The following NREP variants were observed in gnomAD, a reference collection of about 807,000 sequenced individuals.
NREP encodes neuronal regeneration-related protein.
NREP carries 5 observed loss-of-function variants against 8.6 expected under a neutral mutation model. The ratio of observed to expected loss-of-function variants is 0.58; its 90% CI spans 0.30 to 1.22. NREP has a LOEUF of 1.22. NREP is among the 50% of genes most tolerant of loss of function. The pLI is 0.07. For synonymous variants in NREP, 27 were observed against 28.0 expected (o/e 0.96, Z 0.11); for missense variants, 86 against 82.5 (o/e 1.04, Z -0.17).
intron 2 of NREP, among the ~76,000 whole-genome samples, chr5:111,741,711 C>A (rs1057108869): frequency 6.6e-6 from 1 of 152,038 alleles, no homozygotes; most frequent in African/African-American, 2.4e-5. Context: ...AGATGATGTA[C>A]GTAACCTCTG....
At chr5:111,945,704 A>G (rs979050159) in intron 2 of NREP, among the ~76,000 whole-genome samples, 1 of 151,874 alleles carries the variant, frequency 6.6e-6, no homozygotes, top group Non-Finnish European at 1.5e-5. Context: ...GCTTTAGGAT[A>G]GTTGGATCCA....
At chr5:111,912,203 C>A (rs1213624330) in intron 2 of NREP, among the ~76,000 whole-genome samples, 1 of 151,876 alleles carries the variant, frequency 6.6e-6, no homozygotes, top group Non-Finnish European at 1.5e-5. Flanking sequence ...CAGTATTTTC[C>A]TTGCACCCTT....
At chr5:111,853,155 T>C (rs1753349591) in intron 2 of NREP, among the ~76,000 whole-genome samples, 1 of 152,070 alleles carries the variant, frequency 6.6e-6, no homozygotes, top group Non-Finnish European at 1.5e-5. Flanking sequence ...AATAAATGTA[T>C]GATTCCAACT....
exon 2 of NREP, chr5:111,975,294 G>C: frequency 6.4e-7 from 1 of 1,551,106 alleles, no homozygotes; most frequent in South Asian, 1.2e-5. Flanking sequence ...ACAGAAATCT[G>C]GCAGTGAACC....
intron 2 of NREP, among the ~76,000 whole-genome samples, chr5:111,918,031 T>C (rs963201424): frequency 1.3e-5 from 2 of 152,150 alleles, no homozygotes; most frequent in Non-Finnish European, 2.9e-5. Flanking sequence ...AAAATCAATA[T>C]GCAAAAATCA....
Position 111,949,499 on chromosome 5 carries a change from C to A in NREP, c.135+25775G>T, listed in dbSNP as rs541277778. The stretch of plus-strand genomic sequence containing the variant: ...GTTTATGCTTTTTTTAAATATATTA[C>A]TTTAAGTTCTGGGATACATGTGTAG... On this transcript the variant is annotated intron_variant, in intron 2 of 3. Coordinates refer to the NREP transcript ENST00000395634. Among the ~76,000 whole-genome samples, 8 of 151,846 alleles carry A rather than the reference C, an allele frequency of 5.3e-5. No homozygotes were observed. In the South Asian group the frequency reaches 1.2e-3, roughly 24 times the overall value.
chr5:111,871,718 G>T (rs1352239320), intron 2 of NREP, among the ~76,000 whole-genome samples: 1 of 151,346 alleles, frequency 6.6e-6, no homozygotes, highest in Admixed American at 6.6e-5. Flanking sequence ...CCATCTATTA[G>T]CCCAGGCCTA....
intron 1 of NREP, 94 bp from the exon 2 acceptor site, chr5:111,755,924 T>G: frequency 1.9e-6 from 3 of 1,546,624 alleles, no homozygotes; most frequent in Non-Finnish European, 2.6e-6. Flanking sequence ...GAATAACCAT[T>G]TTCTGTGGTT....
intron 2 of NREP, among the ~76,000 whole-genome samples, chr5:111,868,520 C>G (rs893516914): frequency 6.6e-6 from 1 of 152,120 alleles, no homozygotes. Flanking sequence ...AAATTTCACA[C>G]AAAATTATAG....
chr5:111,896,583 C>T (rs565037037), intron 2 of NREP, among the ~76,000 whole-genome samples: 153 of 152,148 alleles, frequency 1.0e-3, no homozygotes, highest in Non-Finnish European at 2.0e-3. Context: ...AGAGAGGCTA[C>T]CAACCATTTA....
At chr5:111,740,398 T>C (rs1458812776) in intron 2 of NREP, among the ~76,000 whole-genome samples, 1 of 152,232 alleles carries the variant, frequency 6.6e-6, no homozygotes, top group Non-Finnish European at 1.5e-5. Flanking sequence ...GTTGGGTAAG[T>C]TTCAATATTC....
At chr5:111,757,769 C>A, upstream of NREP, 1 of 980,480 alleles carries the variant, frequency 1.0e-6, no homozygotes, top group Non-Finnish European at 1.2e-6. Flanking sequence ...CGGCCTTCCT[C>A]CCCGCCCCCG....
intron 2 of NREP, among the ~76,000 whole-genome samples, chr5:111,843,976 A>T (rs146999159): frequency 1.3e-5 from 2 of 152,226 alleles, no homozygotes; most frequent in African/African-American, 4.8e-5. Context: ...CTAAATGTCA[A>T]CTATATGCTC....
At chr5:111,942,827 T>C (rs1227861726) in intron 2 of NREP, among the ~76,000 whole-genome samples, 2 of 152,068 alleles carry the variant, frequency 1.3e-5, no homozygotes, top group Non-Finnish European at 2.9e-5. Flanking sequence ...CATCTCATAG[T>C]AGTAGTCAAC....
At chr5:111,764,074 T>A (rs1292022163) in intron 2 of NREP, among the ~76,000 whole-genome samples, 1 of 152,212 alleles carries the variant, frequency 6.6e-6, no homozygotes, top group African/African-American at 2.4e-5. Context: ...ATACTAAATA[T>A]AATTTTGAAG....
intron 2 of NREP, among the ~76,000 whole-genome samples, chr5:111,881,180 C>T (rs756750392): frequency 3.3e-5 from 5 of 152,370 alleles, no homozygotes; most frequent in Non-Finnish European, 5.9e-5. Flanking sequence ...TTATATCCCA[C>T]ACCTGGCTCA....
At chr5:111,803,493 T>C (rs1168510884) in intron 2 of NREP, among the ~76,000 whole-genome samples, 1 of 152,188 alleles carries the variant, frequency 6.6e-6, no homozygotes, top group African/African-American at 2.4e-5. Flanking sequence ...TTTCATTGCG[T>C]TCCTTTCAAT....
intron 2 of NREP, among the ~76,000 whole-genome samples, chr5:111,960,951 T>C (rs1261676571): frequency 1.3e-5 from 2 of 152,242 alleles, no homozygotes; most frequent in Admixed American, 6.5e-5. Flanking sequence ...TCCAACATTA[T>C]GAAATATTTT....
chr5:111,806,053 G>T (rs1752133933), intron 2 of NREP, among the ~76,000 whole-genome samples: 1 of 152,048 alleles, frequency 6.6e-6, no homozygotes, highest in Non-Finnish European at 1.5e-5. Flanking sequence ...AAACATAATT[G>T]GTAAATCTAG....
Sources: gnomAD v4.1 joint callset for allele counts (sites outside exome capture counted in the v4.1 genomes callset) on GRCh38, gnomAD v4.1.1 for gene constraint, MANE v1.5 for transcripts, NCBI Gene and HGNC (gene_info 2026-07-23, HGNC 2026-07-21) for gene names.